KIAA1549L: variants seen among roughly 807,000 people sequenced by gnomAD.
The protein encoded by KIAA1549L is KIAA1549 like, also known as UPF0606 protein KIAA1549L.
In KIAA1549L, 88 loss-of-function variants were observed where a neutral mutation model predicts 160.7. The ratio of observed to expected loss-of-function variants is 0.55; its 90% confidence interval spans 0.46 to 0.65. The LOEUF (loss-of-function observed/expected upper bound fraction) is 0.65, where lower values mean the gene tolerates loss of function less well. Ranked by LOEUF, KIAA1549L falls within the 30% of genes least tolerant of loss-of-function variation. KIAA1549L has a pLI of 0.00. For synonymous variants in KIAA1549L, 950 were observed against 976.7 expected (o/e 0.97, Z 0.51); for missense variants, 2,258 against 2,437.5 (o/e 0.93, Z 1.55).
At chr11:33,497,505 AAGAATT>A (rs1852847906) in intron 1 of KIAA1549L, among the ~76,000 whole-genome samples, 1 of 152,198 alleles carries the variant, frequency 6.6e-6, no homozygotes, top group African/African-American at 2.4e-5. Flanking sequence ...ATAATAAAAA[AAGAATT>A]AGAATCTTTA....
chr11:33,383,883 C>G (rs567998121), intron 1 of KIAA1549L, among the ~76,000 whole-genome samples: 59 of 152,286 alleles, frequency 3.9e-4, no homozygotes, highest in African/African-American at 1.3e-3. Flanking sequence ...CAAATATCAC[C>G]AATTAGTTCA....
intron 9 of KIAA1549L, among the ~76,000 whole-genome samples, chr11:33,574,353 C>T (rs1350773463): frequency 1.3e-5 from 2 of 152,148 alleles, no homozygotes; most frequent in Admixed American, 6.5e-5. Flanking sequence ...ATTTAACAGT[C>T]GTGTTTGAGA....
intron 10 of KIAA1549L, among the ~76,000 whole-genome samples, chr11:33,582,570 G>A (rs1018391453): frequency 1.3e-5 from 2 of 152,160 alleles, no homozygotes; most frequent in African/African-American, 4.8e-5. Flanking sequence ...ACTTTTTCCT[G>A]TCTCAAGTAA....
chr11:33,411,304 T>C (rs568123183), intron 1 of KIAA1549L, among the ~76,000 whole-genome samples: 78 of 152,334 alleles, frequency 5.1e-4, no homozygotes, highest in African/African-American at 1.7e-3. Flanking sequence ...TTGTTCTCAA[T>C]CCTGGCTGCA....
chr11:33,571,314 AAAG>A (rs1234191711), intron 9 of KIAA1549L, among the ~76,000 whole-genome samples: 1 of 152,210 alleles, frequency 6.6e-6, no homozygotes, highest in Non-Finnish European at 1.5e-5. Context: ...AGAGAAAAGA[AAAG>A]AAATTCATCT....
Position 33,547,775 on chromosome 11 carries a change from A to C in KIAA1549L, c.3397A>C (p.Thr1133Pro), listed in dbSNP as rs777956437. 2.5e-6 allele frequency: 4 copies of C among 1,610,600 alleles called. No homozygotes were observed. The East Asian group carries it at 8.9e-5, about 36-fold the overall frequency. Residue 1133 changes from threonine (T) to proline (P), a missense_variant, in exon 4 of 21, where the codon ACC (threonine) becomes CCC (proline). Physicochemically the swap from Thr to Pro is conservative, Grantham distance 38. Around this residue, in one of 6 missense-constraint regions of KIAA1549L, gnomAD observed 1,359 missense variants for 1,546.6 expected, o/e 0.88. Transcript: ENST00000658780. ...KLLVKTVLFL[T>P]QRRVQISESL... ...ATTTTACCCCACAGTTCTCTTTCTC[A>C]CCCAAAGGAGAGTGCAGATCAGTGA...
intron 1 of KIAA1549L, among the ~76,000 whole-genome samples, chr11:33,456,567 C>T (rs189847900): frequency 1.6e-3 from 237 of 152,174 alleles, no homozygotes; most frequent in Non-Finnish European, 2.6e-3. Flanking sequence ...TGAGCCACCA[C>T]CCCTGGTCAA....
chr11:33,627,888 T>A (rs565439040), intron 16 of KIAA1549L, among the ~76,000 whole-genome samples: 8 of 151,482 alleles, frequency 5.3e-5, no homozygotes, highest in Admixed American at 2.0e-4. Flanking sequence ...AGGGTGTCAA[T>A]TTTGGATCTT....
intron 1 of KIAA1549L, among the ~76,000 whole-genome samples, chr11:33,537,068 G>C (rs142985748): frequency 3.6e-3 from 556 of 152,358 alleles, no homozygotes; most frequent in Non-Finnish European, 6.2e-3. Context: ...CCCACCTGCT[G>C]TTCTTGATCT....
At position 33,440,231 on chromosome 11, in the gene KIAA1549L, G is replaced by A. The variant is rs1229222177; in HGVS notation, c.238+63342G>A. 2.0e-4 allele frequency among the ~76,000 whole-genome samples: 28 copies of A among 139,808 alleles called. No individual in the cohort carries two copies. The East Asian group carries it at 4.3e-3, about 21-fold the overall frequency. 91.7% of individuals were successfully genotyped at this position (139,808 alleles called of 152,430 possible). ...TGCAAGCTCCACCTCCCGGGTTCAC[G>A]CCATTCTCCTGCCTCAGCCTCCCAA... On this transcript the variant is annotated intron_variant, in intron 1 of 20. Transcript: ENST00000658780.
At chr11:33,436,275 C>T (rs529838311) in intron 1 of KIAA1549L, among the ~76,000 whole-genome samples, 1 of 152,216 alleles carries the variant, frequency 6.6e-6, no homozygotes, top group Non-Finnish European at 1.5e-5. Flanking sequence ...GGAACTGGCT[C>T]ACGCAATTAT....
intron 17 of KIAA1549L, among the ~76,000 whole-genome samples, chr11:33,648,105 G>A (rs10836089): frequency 0.23 from 34,598 of 151,740 alleles, 4,222 homozygotes; most frequent in East Asian, 0.41. Context: ...AGCAATTCTC[G>A]TGCCTCAGCC....
At chr11:33,395,073 C>G (rs942837351) in intron 1 of KIAA1549L, among the ~76,000 whole-genome samples, 1 of 152,222 alleles carries the variant, frequency 6.6e-6, no homozygotes, top group Non-Finnish European at 1.5e-5. Flanking sequence ...TCATTTCTTT[C>G]ATCTACTTGG....
intron 16 of KIAA1549L, among the ~76,000 whole-genome samples, chr11:33,634,426 A>G (rs1286887437): frequency 6.6e-6 from 1 of 152,176 alleles, no homozygotes; most frequent in Non-Finnish European, 1.5e-5. Flanking sequence ...ATGACTGGAC[A>G]AGAGATGGGC....
chr11:33,414,348 A>G (rs1190442620), intron 1 of KIAA1549L, among the ~76,000 whole-genome samples: 1 of 152,202 alleles, frequency 6.6e-6, no homozygotes, highest in East Asian at 1.9e-4. Flanking sequence ...AGGACTTTTA[A>G]AGATGTGATG....
At chr11:33,425,657 A>G (rs1341859695) in intron 1 of KIAA1549L, among the ~76,000 whole-genome samples, 1 of 152,250 alleles carries the variant, frequency 6.6e-6, no homozygotes, top group Non-Finnish European at 1.5e-5. Flanking sequence ...TACGTAGATG[A>G]AAACATCTGC....
chr11:33,461,999 C>G (rs1042040304), intron 1 of KIAA1549L, among the ~76,000 whole-genome samples: 1 of 152,178 alleles, frequency 6.6e-6, no homozygotes, highest in South Asian at 2.1e-4. Flanking sequence ...TGTGGAGATT[C>G]TTTCTAGAGG....
intron 8 of KIAA1549L, among the ~76,000 whole-genome samples, chr11:33,567,845 T>G (rs1027019539): frequency 3.9e-5 from 6 of 152,232 alleles, no homozygotes; most frequent in Non-Finnish European, 7.3e-5. Context: ...TGCTGGTTGC[T>G]AGCTGCGTGA....
intron 1 of KIAA1549L, among the ~76,000 whole-genome samples, chr11:33,485,631 AT>A (rs1299871262): frequency 2.6e-5 from 4 of 152,014 alleles, no homozygotes; most frequent in East Asian, 3.9e-4. Flanking sequence ...CATTTTTATC[AT>A]TTTTTTTGGT....
Sources: allele counts gnomAD v4.1 joint callset (sites outside exome capture counted in the v4.1 genomes callset), GRCh38; gene constraint gnomAD v4.1.1; regional missense constraint gnomAD v4.1.1; transcripts MANE v1.5; gene names NCBI Gene and HGNC (gene_info 2026-07-23, HGNC 2026-07-21).